EFEMP1: variants seen among roughly 807,000 people sequenced by gnomAD.
The protein encoded by EFEMP1 is EGF-like fibulin extracellular matrix protein 1, also known as EGF-containing fibulin-like extracellular matrix protein 1.
EFEMP1 carries 18 observed loss-of-function variants against 65.7 expected under a neutral mutation model. That is an observed-to-expected ratio of 0.27 (90% confidence interval 0.19 to 0.41). The LOEUF is 0.41. Ranked by LOEUF, EFEMP1 falls within the 10% of genes least tolerant of loss-of-function variation. EFEMP1 has a pLI of 1.00. For synonymous variants in EFEMP1, 237 were observed against 219.7 expected, an observed-to-expected ratio of 1.08 and a Z score of -0.70; for missense variants, 469 against 624.8, an observed-to-expected ratio of 0.75 and a Z score of 2.66.
chr2:55,899,388 G>A (rs1256840345), intron 5 of EFEMP1, among the ~76,000 whole-genome samples: 2 of 152,232 alleles, frequency 1.3e-5, no homozygotes, highest in Non-Finnish European at 2.9e-5. Flanking sequence ...TTAATTGAAT[G>A]CATTGATGCA....
At chr2:55,878,677 A>ACAAAACAAAC (rs1457801654) in intron 6 of EFEMP1, among the ~76,000 whole-genome samples, 2 of 152,144 alleles carry the variant, frequency 1.3e-5, no homozygotes, top group African/African-American at 4.8e-5. Flanking sequence ...ACAAAACAAA[A>ACAAAACAAAC]CAAACCTTTA....
rs1572780095 is a variant in EFEMP1 at position 55,870,618 on chromosome 2, G to C, written c.1320+102C>G. On this transcript the variant is annotated intron_variant, in intron 11 of 11. Coordinates refer to ENST00000355426, the MANE Select transcript of EFEMP1 (RefSeq NM_001039348.3). The surrounding 1 kb of genome is among the most constrained non-coding windows in gnomAD (Gnocchi z 5.8). ...TACACATAAGACACTTTAAATGTTT[G>C]CTTTCCTTCCACATGTGGATACCAC... The C allele has an allele frequency of 7.0e-7, 1 of 1,430,292 alleles. No homozygotes were observed. Among genetic ancestry groups the C allele is most frequent in the South Asian group, 1.2e-5 (1 of 85,852 alleles). The allele number at this position is 1,430,292 out of a possible 1,614,324, so 88.6% of individuals were successfully genotyped here. A position where few individuals can be genotyped will look rare whatever the true frequency, so the allele number is the denominator to read the frequency against.
intron 5 of EFEMP1, among the ~76,000 whole-genome samples, chr2:55,882,585 T>C (rs765203927): frequency 2.0e-5 from 3 of 152,192 alleles, no homozygotes; most frequent in Non-Finnish European, 4.4e-5. Flanking sequence ...TACAGTAATT[T>C]ATAAGTAAAA....
rs1480579296 is a variant in EFEMP1, at chr2:55,885,237, A to G, written c.518-3503T>C. ...AAAAGGAAGCTGTTTCTAGGCAGAA[A>G]GCAGCTCACATTAGAAAATGCTGAT... is the stretch of plus-strand genomic sequence containing the variant. On this transcript the variant is annotated intron_variant, in intron 5 of 11. Coordinates refer to ENST00000355426, the MANE Select transcript of EFEMP1 (RefSeq NM_001039348.3). This position sits in a 1 kb window ranked among gnomAD's most constrained non-coding sequence, Gnocchi z 4.3. Among the ~76,000 whole-genome samples, 2 of 152,234 alleles carry G rather than the reference A, an allele frequency of 1.3e-5. No individual in the cohort carries two copies. Among genetic ancestry groups the G allele is most frequent in the East Asian group, 1.9e-4 (1 of 5,194 alleles).
rs1671001293 is a variant in EFEMP1 at position 55,923,716 on chromosome 2, C to A, written c.-54G>T. On this transcript the variant is annotated 5_prime_UTR_variant, in exon 1 of 12. Coordinates refer to ENST00000355426, the MANE Select transcript of EFEMP1 (RefSeq NM_001039348.3). The surrounding 1 kb of genome is among the most constrained non-coding windows in gnomAD (Gnocchi z 5.3). The stretch of plus-strand genomic sequence containing the variant: ...CCCCCGTTGGGGGCTCCTACCTGTG[C>A]GGCCGCGCTGCGCTCCGGGCCCGGG... The A allele has an allele frequency of 4.1e-6, 4 of 985,724 alleles. No individual in the cohort carries two copies. The highest frequency in any genetic ancestry group is 2.4e-6 in the Non-Finnish European group (2 of 830,228). 61.1% of individuals were successfully genotyped at this position (985,724 alleles called of 1,614,324 possible).
At chr2:55,881,027 C>T (rs905715797) in intron 6 of EFEMP1, among the ~76,000 whole-genome samples, 1 of 152,200 alleles carries the variant, frequency 6.6e-6, no homozygotes, top group African/African-American at 2.4e-5. Flanking sequence ...CCTTTAATAC[C>T]CATCTGTTGA....
chr2:55,893,949 C>T (rs1420734421), intron 5 of EFEMP1, among the ~76,000 whole-genome samples: 1 of 152,244 alleles, frequency 6.6e-6, no homozygotes, highest in East Asian at 1.9e-4. Context: ...GCAAACACAG[C>T]CTTTCTTGCT....
At chr2:55,887,697 G>C (rs1476211374) in intron 5 of EFEMP1, among the ~76,000 whole-genome samples, 1 of 152,106 alleles carries the variant, frequency 6.6e-6, no homozygotes, top group African/African-American at 2.4e-5. Flanking sequence ...ATTCTTATCA[G>C]TTCTGGCAAA....
Position 55,871,446 on chromosome 2 carries a change from A to T in EFEMP1, c.1001-323T>A, listed in dbSNP as rs976687069. ...AACACCAGTTCTTGTCATCAGGGACATTATAATTGAGGGAATGTGTATATG... is the reference window on the plus strand; with the variant it reads ...AACACCAGTTCTTGTCATCAGGGACTTTATAATTGAGGGAATGTGTATATG... On this transcript the variant is annotated intron_variant, in intron 9 of 11. Coordinates refer to ENST00000355426, the MANE Select transcript of EFEMP1 (RefSeq NM_001039348.3). The surrounding 1 kb of genome is among the most constrained non-coding windows in gnomAD (Gnocchi z 4.2). 6.6e-6 allele frequency among the ~76,000 whole-genome samples: 1 copy of T among 152,166 alleles called. No individual in the cohort carries two copies. The highest frequency in any genetic ancestry group is 1.5e-5 in the Non-Finnish European group (1 of 68,006).
In EFEMP1 at chr2:55,871,420, A is replaced by G. The variant is rs1210175443; in HGVS notation, c.1001-297T>C. Among the ~76,000 whole-genome samples, 1 of 152,198 alleles carries G rather than the reference A, an allele frequency of 6.6e-6. No homozygotes were observed. The highest frequency in any genetic ancestry group is 6.5e-5 in the Admixed American group (1 of 15,270). The stretch of plus-strand genomic sequence containing the variant: ...CACTGACTCTGCCTATATAAAAGTT[A>G]AACACCAGTTCTTGTCATCAGGGAC... On this transcript the variant is annotated intron_variant, in intron 9 of 11. Coordinates refer to ENST00000355426, the MANE Select transcript of EFEMP1 (RefSeq NM_001039348.3). This position sits in a 1 kb window ranked among gnomAD's most constrained non-coding sequence, Gnocchi z 4.2.
Position 55,905,002 on chromosome 2 carries a change from G to A in EFEMP1, c.517+12663C>T, listed in dbSNP as rs1158317264. Reference sequence around the variant, plus strand: ...TTCTTTTTCTTTTTTTTTTTTTTTTGCTGAGCAACAGCTTTGGCATAACAA... The same window carrying A: ...TTCTTTTTCTTTTTTTTTTTTTTTTACTGAGCAACAGCTTTGGCATAACAA... On this transcript the variant is annotated intron_variant, in intron 5 of 11. Coordinates refer to ENST00000355426, the MANE Select transcript of EFEMP1 (RefSeq NM_001039348.3). Among the ~76,000 whole-genome samples, 3 of 29,106 alleles carry A rather than the reference G, an allele frequency of 1.0e-4. No individual in the cohort carries two copies. The South Asian group carries it at 3.5e-3, about 34-fold the overall frequency. The allele number at this position is 29,106 out of a possible 152,430, so 19.1% of individuals were successfully genotyped here.
intron 5 of EFEMP1, among the ~76,000 whole-genome samples, chr2:55,914,759 A>G (rs1406345285): frequency 6.6e-6 from 1 of 152,226 alleles, no homozygotes; most frequent in African/African-American, 2.4e-5. Flanking sequence ...ATGTGTCTGG[A>G]TTACTGGGCA....
At chr2:55,880,615 C>T (rs546358130) in intron 6 of EFEMP1, among the ~76,000 whole-genome samples, 8 of 152,272 alleles carry the variant, frequency 5.3e-5, no homozygotes, top group East Asian at 1.9e-4. Flanking sequence ...CATTCTCAGG[C>T]GAAAACTGAC....
intron 5 of EFEMP1, among the ~76,000 whole-genome samples, chr2:55,909,333 G>A (rs1226706470): frequency 3.3e-5 from 5 of 152,150 alleles, no homozygotes; most frequent in African/African-American, 1.2e-4. Context: ...TTAGCATTTT[G>A]GTGGAGTTAC....
At chr2:55,882,999 C>T (rs970645446) in intron 5 of EFEMP1, among the ~76,000 whole-genome samples, 14 of 152,114 alleles carry the variant, frequency 9.2e-5, no homozygotes. Context: ...TCAAGGAGGA[C>T]TGCGCATTTA....
rs979436988 is a variant in EFEMP1, at chr2:55,875,114, C to A, written c.881-49G>T. ...GACACAGAGTTGAAAAGTTTGTGCA[C>A]CACTACTTTGGATATATATATATAT... On this transcript the variant is annotated intron_variant, in intron 8 of 11. Transcript: ENST00000355426. 11 of 1,429,268 alleles carry A rather than the reference C, an allele frequency of 7.7e-6. No homozygotes were observed. The African/African-American group carries it at 1.5e-4, about 19-fold the overall frequency. 88.5% of individuals were successfully genotyped at this position (1,429,268 alleles called of 1,614,324 possible). A position where few individuals can be genotyped will look rare whatever the true frequency, so the allele number is the denominator to read the frequency against.
At chr2:55,891,158 T>C (rs974511224) in intron 5 of EFEMP1, among the ~76,000 whole-genome samples, 27 of 152,048 alleles carry the variant, frequency 1.8e-4, no homozygotes, top group Non-Finnish European at 5.9e-5. Context: ...AATAAATGGC[T>C]AGAAATGCAA....
rs1670993555 is a variant in EFEMP1 at position 55,923,583 on chromosome 2, A to G, written c.-49+128T>C. The stretch of plus-strand genomic sequence containing the variant: ...ACCTCCACCTCCCTCTCTGCCCGAG[A>G]CACCCTGCACAGTCCAGGGCAGTTC... On this transcript the variant is annotated intron_variant, in intron 1 of 11. Transcript: ENST00000355426. The surrounding 1 kb of genome is among the most constrained non-coding windows in gnomAD (Gnocchi z 5.3). 2 of 984,062 alleles carry G rather than the reference A, an allele frequency of 2.0e-6. No homozygotes were observed. The highest frequency in any genetic ancestry group is 1.2e-6 in the Non-Finnish European group (1 of 828,812). 61.0% of individuals were successfully genotyped at this position (984,062 alleles called of 1,614,324 possible). A position where few individuals can be genotyped will look rare whatever the true frequency, so the allele number is the denominator to read the frequency against.
At chr2:55,872,485 A>T (rs1483814058) in intron 9 of EFEMP1, among the ~76,000 whole-genome samples, 1 of 152,132 alleles carries the variant, frequency 6.6e-6, no homozygotes, top group Non-Finnish European at 1.5e-5. Flanking sequence ...GGCTTTTAAG[A>T]AATATTAAAT....
Sources: gnomAD v4.1 joint callset for allele counts (sites outside exome capture counted in the v4.1 genomes callset) on GRCh38, gnomAD v4.1.1 for gene constraint, Gnocchi (gnomAD v3.1) non-coding constraint, MANE v1.5 for transcripts, NCBI Gene and HGNC (gene_info 2026-07-23, HGNC 2026-07-21) for gene names.